The following RNLS variants were observed in gnomAD, a reference collection of about 807,000 sequenced individuals.
The protein encoded by RNLS is renalase, FAD dependent amine oxidase.
Under a neutral mutation model 39.8 loss-of-function variants are expected in RNLS, and 39 were observed. The observed-to-expected ratio is 0.98, with a 90% confidence interval of 0.76 to 1.28. The LOEUF is 1.28. Ranked by LOEUF, RNLS falls within the 50% of genes most tolerant of loss-of-function variation. The probability of loss-of-function intolerance (pLI) is 0.00; values close to 1 mark genes in which losing one functional copy is unlikely to be tolerated. For synonymous variants in RNLS, 147 were observed against 150.7 expected, an observed-to-expected ratio of 0.98 and a Z score of 0.18; for missense variants, 410 against 413.3, an observed-to-expected ratio of 0.99 and a Z score of 0.07.
the RNLS span, among the ~76,000 whole-genome samples, chr10:88,201,563 G>A: frequency 2.0e-5 from 3 of 152,212 alleles, no homozygotes; most frequent in South Asian, 6.2e-4. Context: ...TCAGATAGGT[G>A]AGCACAGAAG....
intron 4 of RNLS, among the ~76,000 whole-genome samples, chr10:88,461,767 A>G (rs1842943400): frequency 6.6e-6 from 1 of 152,128 alleles, no homozygotes; most frequent in African/African-American, 2.4e-5. Context: ...TTTTGGAGAT[A>G]AAAGGGTCCC....
At chr10:88,285,583 G>T in intron 6 of RNLS, 77 bp from the exon 7 acceptor site, 1 of 1,257,854 alleles carries the variant, frequency 8.0e-7, no homozygotes, top group Non-Finnish European at 1.1e-6. Flanking sequence ...ACCTGGAAAA[G>T]GTTAGTCTAC....
At chr10:88,345,085 T>C (rs959530680) in intron 5 of RNLS, among the ~76,000 whole-genome samples, 5 of 152,138 alleles carry the variant, frequency 3.3e-5, no homozygotes, top group Admixed American at 1.3e-4. Context: ...ACAAGAAATT[T>C]ACTGGTAATA....
chr10:88,396,952 A>T (rs1291289875), intron 4 of RNLS, among the ~76,000 whole-genome samples: 1 of 152,004 alleles, frequency 6.6e-6, no homozygotes, highest in Non-Finnish European at 1.5e-5. Flanking sequence ...ACAAATGTGC[A>T]CCAAACAACA....
chr10:88,451,916 G>A (rs1842382265), intron 4 of RNLS, among the ~76,000 whole-genome samples: 1 of 152,234 alleles, frequency 6.6e-6, no homozygotes, highest in African/African-American at 2.4e-5. Context: ...GGGCTTCAGA[G>A]TCAGGCTTTT....
chr10:88,261,416 T>C, the RNLS span, among the ~76,000 whole-genome samples: 4 of 152,344 alleles, frequency 2.6e-5, no homozygotes, highest in East Asian at 7.7e-4. Flanking sequence ...ATCCATGCTG[T>C]GTCCAACATG....
downstream of RNLS, among the ~76,000 whole-genome samples, chr10:88,271,887 T>G (rs2132575541): frequency 6.6e-6 from 1 of 152,342 alleles, no homozygotes; most frequent in Non-Finnish European, 1.5e-5. Context: ...TATGCGGCTC[T>G]AACTCTGCCA....
At chr10:88,504,163 A>C (rs1016259482) in intron 4 of RNLS, among the ~76,000 whole-genome samples, 3 of 152,172 alleles carry the variant, frequency 2.0e-5, no homozygotes, top group Non-Finnish European at 4.4e-5. Flanking sequence ...TCCTGAATCA[A>C]GACAGCTAAG....
chr10:88,569,278 G>T (rs1434311714), intron 4 of RNLS, among the ~76,000 whole-genome samples: 1 of 151,386 alleles, frequency 6.6e-6, no homozygotes, highest in African/African-American at 2.4e-5. Context: ...GATATTTAAG[G>T]TTTTAACAGG....
intron 4 of RNLS, among the ~76,000 whole-genome samples, chr10:88,381,736 A>ATATT (rs1185643951): frequency 6.6e-6 from 1 of 152,154 alleles, no homozygotes; most frequent in South Asian, 2.1e-4. Context: ...TTTTAGAAAA[A>ATATT]TATTTATCAA....
At chr10:88,522,807 A>G (rs1186712594) in intron 4 of RNLS, among the ~76,000 whole-genome samples, 2 of 152,172 alleles carry the variant, frequency 1.3e-5, no homozygotes, top group Non-Finnish European at 2.9e-5. Flanking sequence ...TGAAAAGCAA[A>G]TAACAATCTT....
chr10:88,457,224 A>G (rs1245082494), intron 4 of RNLS, among the ~76,000 whole-genome samples: 1 of 152,218 alleles, frequency 6.6e-6, no homozygotes, highest in Non-Finnish European at 1.5e-5. Context: ...TTTGGGTGAC[A>G]TAGTTGATAC....
At position 88,581,489 on chromosome 10, in the gene RNLS, T is replaced by C. The variant is rs3758480; in HGVS notation, c.367+78A>G. On this transcript the variant is annotated intron_variant, in intron 3 of 6. Coordinates refer to ENST00000331772, the MANE Select transcript of RNLS (RefSeq NM_001031709.3). ...CTAATATTTATAATTTCCTGTATAG[T>C]ATTAATATGTAACTATGTGTGTAAC... 2.8e-5 allele frequency: 35 copies of C among 1,264,194 alleles called. No homozygotes were observed. The East Asian group carries it at 6.9e-4, about 25-fold the overall frequency. 78.3% of individuals were successfully genotyped at this position (1,264,194 alleles called of 1,614,324 possible). A position where few individuals can be genotyped will look rare whatever the true frequency, so the allele number is the denominator to read the frequency against.
intron 4 of RNLS, among the ~76,000 whole-genome samples, chr10:88,487,945 T>C (rs2134050320): frequency 6.6e-6 from 1 of 152,286 alleles, no homozygotes; most frequent in East Asian, 1.9e-4. Flanking sequence ...CCTCAAATTA[T>C]TGTGAGTAAA....
At chr10:88,391,952 C>T (rs1183687454) in intron 4 of RNLS, among the ~76,000 whole-genome samples, 1 of 152,202 alleles carries the variant, frequency 6.6e-6, no homozygotes, top group Non-Finnish European at 1.5e-5. Context: ...AGTCTGGCAG[C>T]CCCCGGAGGG....
chr10:88,247,229 G>A, the RNLS span, among the ~76,000 whole-genome samples: 1 of 152,130 alleles, frequency 6.6e-6, no homozygotes, highest in Non-Finnish European at 1.5e-5. Context: ...GCACACAAAT[G>A]ATCAAACAAA....
the RNLS span, among the ~76,000 whole-genome samples, chr10:88,258,431 C>T: frequency 6.6e-6 from 1 of 152,302 alleles, no homozygotes; most frequent in South Asian, 2.1e-4. Flanking sequence ...TGCTCTGATA[C>T]ATGTGGGCAG....
At chr10:88,491,060 T>C (rs1267648167) in intron 4 of RNLS, among the ~76,000 whole-genome samples, 1 of 152,160 alleles carries the variant, frequency 6.6e-6, no homozygotes, top group Admixed American at 6.6e-5. Context: ...AGAAAATGAC[T>C]CTTGGTCATG....
intron 4 of RNLS, among the ~76,000 whole-genome samples, chr10:88,464,971 T>C (rs1471413673): frequency 6.6e-6 from 1 of 152,114 alleles, no homozygotes; most frequent in African/African-American, 2.4e-5. Context: ...CTGGAATGGC[T>C]GGGTTCAAAC....
Sources: gnomAD v4.1 joint callset for allele counts (sites outside exome capture counted in the v4.1 genomes callset) on GRCh38, gnomAD v4.1.1 for gene constraint, MANE v1.5 for transcripts, NCBI Gene and HGNC (gene_info 2026-07-23, HGNC 2026-07-21) for gene names.